Variants in EIF3H observed in about 807,000 individuals in gnomAD.
EIF3H encodes eukaryotic translation initiation factor 3 subunit H.
A neutral mutation model predicts 44.2 loss-of-function variants in EIF3H; 26 were observed. That is an observed-to-expected ratio of 0.59 (90% CI 0.43 to 0.82). The LOEUF (loss-of-function observed/expected upper bound fraction) is 0.82. EIF3H is among the 40% of genes least tolerant of loss of function. The pLI is 0.00. For synonymous variants in EIF3H, 166 were observed against 151.9 expected, an observed-to-expected ratio of 1.09 and a Z score of -0.68; for missense variants, 359 against 432.8, an observed-to-expected ratio of 0.83 and a Z score of 1.51.
At chr8:116,647,907 C>A (rs1215555510) in intron 6 of EIF3H, among the ~76,000 whole-genome samples, 1 of 151,812 alleles carries the variant, frequency 6.6e-6, no homozygotes, top group African/African-American at 2.4e-5. Flanking sequence ...ACATTTGTAA[C>A]CACTCCCATC....
At chr8:116,669,087 C>T (rs1208324476) in intron 2 of EIF3H, among the ~76,000 whole-genome samples, 1 of 152,064 alleles carries the variant, frequency 6.6e-6, no homozygotes, top group Non-Finnish European at 1.5e-5. Context: ...GCATTTCTAA[C>T]ATTCATGTCA....
rs1489962931 is a variant in EIF3H at position 116,755,819 on chromosome 8, A to G, written c.-22T>C. 2 of 1,611,380 alleles carry G rather than the reference A, an allele frequency of 1.2e-6. No individual in the cohort carries two copies. Among genetic ancestry groups the G allele is most frequent in the Non-Finnish European group, 8.5e-7 (1 of 1,179,940 alleles). On this transcript the variant is annotated 5_prime_UTR_variant, in exon 1 of 8. Coordinates refer to ENST00000521861, the MANE Select transcript of EIF3H (RefSeq NM_003756.3). ...CCATCTTTCCAAGCAGACAGGAAGAAAGAGAAACGTGAGTTACCGGAAGCG... is the reference window on the plus strand; with the variant it reads ...CCATCTTTCCAAGCAGACAGGAAGAGAGAGAAACGTGAGTTACCGGAAGCG...
At chr8:116,763,617 C>T (rs1815540906) in intron 1 of EIF3H, among the ~76,000 whole-genome samples, 1 of 152,164 alleles carries the variant, frequency 6.6e-6, no homozygotes, top group Admixed American at 6.5e-5. Flanking sequence ...GACCTCAATA[C>T]AAAGTGCTTT....
In EIF3H at chr8:116,658,918, C is replaced by A; in HGVS notation, c.352G>T (p.Gly118Cys). 1 of 1,613,570 alleles carries A rather than the reference C, an allele frequency of 6.2e-7. No individual in the cohort carries two copies. The highest frequency in any genetic ancestry group is 8.5e-7 in the Non-Finnish European group (1 of 1,179,686). Reference sequence around the variant, plus strand: ...CCATAGTATGTGGACTGATACCAGCCCACGTGAAGATGATCAATGTTTACA... The same window carrying A: ...CCATAGTATGTGGACTGATACCAGCACACGTGAAGATGATCAATGTTTACA... ...RHVNIDHLHV[G>C]WYQSTYYGSF... The change falls in exon 3 of 8, where the codon GGC becomes TGC. Residue 118 changes from glycine to cysteine, a missense_variant. Gly to Cys is a radical substitution (Grantham distance 159, BLOSUM62 -3). Transcript: ENST00000521861.
At chr8:116,712,180 C>T (rs992091368) in intron 2 of EIF3H, among the ~76,000 whole-genome samples, 4 of 152,172 alleles carry the variant, frequency 2.6e-5, no homozygotes, top group African/African-American at 9.7e-5. Context: ...GGAGCCCCAT[C>T]GAGGGCTCTG....
At chr8:116,735,805 A>G (rs1815026196) in intron 1 of EIF3H, among the ~76,000 whole-genome samples, 1 of 151,984 alleles carries the variant, frequency 6.6e-6, no homozygotes, top group South Asian at 2.1e-4. Flanking sequence ...ATGCAGAAAA[A>G]AAAAAAAAAC....
chr8:116,691,529 C>G (rs1814173882), intron 2 of EIF3H, among the ~76,000 whole-genome samples: 1 of 151,558 alleles, frequency 6.6e-6, no homozygotes, highest in African/African-American at 2.4e-5. Flanking sequence ...CTCAAAATAC[C>G]ACCAACAGGA....
chr8:116,673,322 A>C (rs1228296855), intron 2 of EIF3H, among the ~76,000 whole-genome samples: 3 of 152,186 alleles, frequency 2.0e-5, no homozygotes, highest in Non-Finnish European at 1.5e-5. Context: ...AAAAATTAAT[A>C]TTTCAATTAC....
chr8:116,715,240 AAT>A (rs1814642473), intron 2 of EIF3H, among the ~76,000 whole-genome samples: 1 of 152,078 alleles, frequency 6.6e-6, no homozygotes, highest in Non-Finnish European at 1.5e-5. Flanking sequence ...ACTTAAACAA[AAT>A]ATGTTAACAG....
intron 2 of EIF3H, among the ~76,000 whole-genome samples, chr8:116,709,417 T>C (rs1236544056): frequency 2.6e-5 from 4 of 152,202 alleles, no homozygotes; most frequent in Admixed American, 2.6e-4. Flanking sequence ...TTAATTTCTA[T>C]GGAGATAACA....
rs1465653341 is a variant in EIF3H at position 116,658,950 on chromosome 8, A to C, written c.320T>G (p.Leu107Arg). The change falls in exon 3 of 8, where the codon CTT becomes CGT. Residue 107 changes from leucine (L) to arginine (R), a missense_variant. Physicochemically the swap from Leu to Arg is moderately radical, Grantham distance 102. Coordinates refer to ENST00000521861, the MANE Select transcript of EIF3H (RefSeq NM_003756.3). ...VQYQMEMMRS[L>R]RHVNIDHLHV... The stretch of plus-strand genomic sequence containing the variant: ...AAGATGATCAATGTTTACATGGCGA[A>C]GGCTCCGCATCATTTCCATCTGATA... 6.2e-7 allele frequency: 1 copy of C among 1,613,272 alleles called. No homozygotes were observed. Among genetic ancestry groups the C allele is most frequent in the Non-Finnish European group, 8.5e-7 (1 of 1,179,576 alleles).
upstream of EIF3H, among the ~76,000 whole-genome samples, chr8:116,758,746 T>C (rs1333925082): frequency 3.3e-5 from 5 of 152,204 alleles, no homozygotes; most frequent in African/African-American, 1.2e-4. Context: ...CTAAACAACA[T>C]ACTTCTAATA....
intron 1 of EIF3H, among the ~76,000 whole-genome samples, chr8:116,739,279 C>A (rs572339013): frequency 6.6e-6 from 1 of 152,352 alleles, no homozygotes; most frequent in South Asian, 2.1e-4. Flanking sequence ...TTAGGCCCAT[C>A]CCTTTATTTC....
intron 2 of EIF3H, among the ~76,000 whole-genome samples, chr8:116,701,620 T>C (rs970084588): frequency 2.0e-5 from 3 of 152,112 alleles, no homozygotes; most frequent in Non-Finnish European, 4.4e-5. Flanking sequence ...GATGATGCAA[T>C]GAAAGGGCCA....
chr8:116,708,573 G>A (rs1165110869), intron 2 of EIF3H, among the ~76,000 whole-genome samples: 2 of 152,112 alleles, frequency 1.3e-5, no homozygotes, highest in South Asian at 2.1e-4. Context: ...GGCCAAGTGA[G>A]ATAATTTATC....
intron 1 of EIF3H, among the ~76,000 whole-genome samples, chr8:116,731,931 T>A (rs1383229534): frequency 6.6e-6 from 1 of 152,210 alleles, no homozygotes; most frequent in Non-Finnish European, 1.5e-5. Context: ...TGGGTGTAAA[T>A]GCTTAAACTA....
At chr8:116,687,796 G>T (rs1814101390) in intron 2 of EIF3H, among the ~76,000 whole-genome samples, 1 of 152,086 alleles carries the variant, frequency 6.6e-6, no homozygotes, top group Non-Finnish European at 1.5e-5. Context: ...CTTAGAAACA[G>T]CATCATGAAA....
intron 1 of EIF3H, among the ~76,000 whole-genome samples, chr8:116,746,061 T>G (rs572370845): frequency 6.6e-6 from 1 of 152,206 alleles, no homozygotes; most frequent in African/African-American, 2.4e-5. Flanking sequence ...TGATCCCCAG[T>G]ATCTTAATAT....
At chr8:116,746,988 T>C (rs1473409674) in intron 1 of EIF3H, among the ~76,000 whole-genome samples, 2 of 152,234 alleles carry the variant, frequency 1.3e-5, no homozygotes, top group East Asian at 1.9e-4. Context: ...GGACATTTAT[T>C]ATAGAAATAA....
Sources: gnomAD v4.1 joint callset for allele counts (sites outside exome capture counted in the v4.1 genomes callset) on GRCh38, gnomAD v4.1.1 for gene constraint, MANE v1.5 for transcripts, NCBI Gene and HGNC (gene_info 2026-07-23, HGNC 2026-07-21) for gene names.